NAALADL2: variants seen among roughly 807,000 people sequenced by gnomAD.
NAALADL2 encodes N-acetylated alpha-linked acidic dipeptidase like 2, also known as inactive N-acetylated-alpha-linked acidic dipeptidase-like protein 2.
NAALADL2 carries 76 observed loss-of-function variants against 87.2 expected under a neutral mutation model. The observed-to-expected ratio is 0.87, with a 90% CI of 0.72 to 1.05. The LOEUF is 1.05. Among genes scored for constraint, NAALADL2 ranks in the 50% least tolerant of loss-of-function variants. The pLI, the probability that NAALADL2 is intolerant of heterozygous loss-of-function variation, is 0.00. For missense variants in NAALADL2, 1,089 were observed against 945.8 expected (o/e 1.15, Z -1.99); for synonymous variants, 354 against 331.0 (o/e 1.07, Z -0.75).
intron 13 of NAALADL2, among the ~76,000 whole-genome samples, chr3:175,782,069 T>C (rs1327183856): frequency 2.0e-5 from 3 of 151,012 alleles, no homozygotes; most frequent in African/African-American, 7.3e-5. Context: ...TATTCCATGG[T>C]GTATATGTGC....
chr3:175,608,008 G>A (rs1485756777), intron 10 of NAALADL2, among the ~76,000 whole-genome samples: 2 of 151,376 alleles, frequency 1.3e-5, no homozygotes, highest in African/African-American at 4.8e-5. Context: ...ATAATGCTAA[G>A]GATTTTTGCC....
At chr3:175,224,808 T>C (rs1214378742) in intron 2 of NAALADL2, among the ~76,000 whole-genome samples, 1 of 152,218 alleles carries the variant, frequency 6.6e-6, no homozygotes, top group Admixed American at 6.6e-5. Flanking sequence ...ATGTGTAACA[T>C]GCTTCAAAAC....
intron 1 of NAALADL2, among the ~76,000 whole-genome samples, chr3:174,866,323 C>T (rs1332708700): frequency 6.6e-6 from 1 of 151,758 alleles, no homozygotes; most frequent in Admixed American, 6.6e-5. Context: ...GATGATTTTC[C>T]TTTGAGCTCC....
At chr3:174,823,861 C>T (rs1721696265) in intron 3 of NAALADL2, among the ~76,000 whole-genome samples, 1 of 152,120 alleles carries the variant, frequency 6.6e-6, no homozygotes, top group South Asian at 2.1e-4. Flanking sequence ...CAGGCATGCA[C>T]CACCATGCCC....
chr3:174,983,147 C>T (rs2108662363), intron 1 of NAALADL2, among the ~76,000 whole-genome samples: 1 of 152,290 alleles, frequency 6.6e-6, no homozygotes, highest in African/African-American at 2.4e-5. Flanking sequence ...CACCATCCTA[C>T]ACAGGGTCAC....
chr3:175,585,256 A>G (rs1720382263), intron 10 of NAALADL2, among the ~76,000 whole-genome samples: 1 of 152,174 alleles, frequency 6.6e-6, no homozygotes, highest in South Asian at 2.1e-4. Context: ...ATTAGGCAAC[A>G]GGAACTTTTC....
At chr3:174,714,592 G>A (rs1553834027) in intron 2 of NAALADL2, among the ~76,000 whole-genome samples, 1 of 151,614 alleles carries the variant, frequency 6.6e-6, no homozygotes, top group Non-Finnish European at 1.5e-5. Flanking sequence ...TCATGATTTG[G>A]CTGTTTGTCT....
chr3:175,523,248 G>A (rs188183755), intron 9 of NAALADL2, among the ~76,000 whole-genome samples: 1 of 152,298 alleles, frequency 6.6e-6, no homozygotes, highest in East Asian at 1.9e-4. Context: ...CTGAGGAGTG[G>A]AAGTTATTAC....
intron 13 of NAALADL2, among the ~76,000 whole-genome samples, chr3:175,789,020 G>A (rs955034238): frequency 6.6e-6 from 1 of 151,998 alleles, no homozygotes; most frequent in Non-Finnish European, 1.5e-5. Context: ...AGAAAAATAG[G>A]TGGAATTCCT....
intron 2 of NAALADL2, among the ~76,000 whole-genome samples, chr3:174,667,104 C>T (rs1726024176): frequency 6.6e-6 from 1 of 152,178 alleles, no homozygotes; most frequent in Non-Finnish European, 1.5e-5. Flanking sequence ...TGAGTTGCTT[C>T]TACCTCTTGG....
At chr3:174,752,201 C>T (rs1479441456) in intron 3 of NAALADL2, among the ~76,000 whole-genome samples, 1 of 152,052 alleles carries the variant, frequency 6.6e-6, no homozygotes, top group African/African-American at 2.4e-5. Flanking sequence ...GGTCTCAAAT[C>T]TCCTGACCTC....
chr3:174,689,001 G>T lies in NAALADL2; in HGVS notation c.-114-48640G>T, dbSNP rs543733691. On this transcript the variant is annotated intron_variant, in intron 2 of 3. Transcript: ENST00000434257. Reference sequence around the variant, plus strand: ...CATCTGTAAATAGGTTACTACATCAGCAAAAAAAAAAAATTATGTAATAGA... The same window carrying T: ...CATCTGTAAATAGGTTACTACATCATCAAAAAAAAAAAATTATGTAATAGA... 2.5e-4 allele frequency among the ~76,000 whole-genome samples: 37 copies of T among 148,484 alleles called. No homozygotes were observed. The South Asian group carries it at 7.6e-3, about 31-fold the overall frequency.
At chr3:174,903,140 A>T (rs1732512645) in intron 1 of NAALADL2, among the ~76,000 whole-genome samples, 1 of 152,070 alleles carries the variant, frequency 6.6e-6, no homozygotes, top group Non-Finnish European at 1.5e-5. Context: ...CCTTTATGCC[A>T]TCCCTGCAGG....
At chr3:174,789,185 C>T (rs745940989) in intron 3 of NAALADL2, among the ~76,000 whole-genome samples, 3 of 152,184 alleles carry the variant, frequency 2.0e-5, no homozygotes, top group Non-Finnish European at 2.9e-5. Flanking sequence ...TGCACAGAAA[C>T]TCCAGGACTG....
At chr3:175,631,049 TATA>T (rs1280732147) in intron 11 of NAALADL2, among the ~76,000 whole-genome samples, 1 of 151,490 alleles carries the variant, frequency 6.6e-6, no homozygotes, top group Non-Finnish European at 1.5e-5. Context: ...ATTAATTAAA[TATA>T]ATAAATATGT....
intron 9 of NAALADL2, among the ~76,000 whole-genome samples, chr3:175,546,620 A>G (rs373202075): frequency 1.3e-5 from 2 of 152,046 alleles, no homozygotes; most frequent in African/African-American, 4.8e-5. Flanking sequence ...TTTGAAAAGG[A>G]TCTTATTTCT....
At chr3:174,586,371 A>C (rs1716722516) in intron 2 of NAALADL2, among the ~76,000 whole-genome samples, 1 of 152,206 alleles carries the variant, frequency 6.6e-6, no homozygotes. Flanking sequence ...GTGCACATTC[A>C]TTACAAATTT....
chr3:174,984,417 A>AC (rs1745542978), intron 1 of NAALADL2, among the ~76,000 whole-genome samples: 1 of 150,970 alleles, frequency 6.6e-6, no homozygotes. Context: ...TAGCTTGTTT[A>AC]ATTTTTTTTT....
At chr3:175,046,047 G>C (rs962237616) in intron 1 of NAALADL2, among the ~76,000 whole-genome samples, 1 of 151,368 alleles carries the variant, frequency 6.6e-6, no homozygotes, top group African/African-American at 2.4e-5. Context: ...ATATTTTTTA[G>C]TTTTCAGGAT....
Sources: allele counts gnomAD v4.1 joint callset (sites outside exome capture counted in the v4.1 genomes callset), GRCh38; gene constraint gnomAD v4.1.1; transcripts MANE v1.5; gene names NCBI Gene and HGNC (gene_info 2026-07-23, HGNC 2026-07-21).